The following NAT1 variants were observed in gnomAD, a reference collection of about 807,000 sequenced individuals.
NAT1 encodes the protein arylamine N-acetyltransferase 1.
For missense variants in NAT1, 400 were observed against 339.2 expected (o/e 1.18, Z -1.41); for synonymous variants, 144 against 122.6 (o/e 1.17, Z -1.16).
intron 2 of NAT1, among the ~76,000 whole-genome samples, chr8:18,198,368 T>G (rs111227928): frequency 9.5e-4 from 145 of 152,300 alleles, no homozygotes; most frequent in African/African-American, 3.4e-3. Flanking sequence ...TTATGAATGG[T>G]GTTTGTTCAA....
At chr8:18,194,015 G>C (rs1488943792) in intron 2 of NAT1, among the ~76,000 whole-genome samples, 1 of 152,122 alleles carries the variant, frequency 6.6e-6, no homozygotes, top group Non-Finnish European at 1.5e-5. Flanking sequence ...CAAACCTGTG[G>C]ATCCTGTGGC....
chr8:18,206,514 T>C (rs1424353250), upstream of NAT1, among the ~76,000 whole-genome samples: 2 of 152,234 alleles, frequency 1.3e-5, no homozygotes, highest in Non-Finnish European at 2.9e-5. Flanking sequence ...GCCATTTCTA[T>C]TGAATACAGG....
chr8:18,215,881 G>C (rs140610821), intron 1 of NAT1, among the ~76,000 whole-genome samples: 2 of 152,122 alleles, frequency 1.3e-5, no homozygotes, highest in Non-Finnish European at 2.9e-5. Flanking sequence ...ATCATTTTAG[G>C]AGATTTATTT....
chr8:18,206,418 C>G (rs1174611193), upstream of NAT1, among the ~76,000 whole-genome samples: 5 of 152,176 alleles, frequency 3.3e-5, no homozygotes, highest in Non-Finnish European at 7.3e-5. Context: ...CCATCTTGCC[C>G]CCGCTCAAAA....
chr8:18,217,079 G>A lies in NAT1; in HGVS notation c.-85-2332G>A, dbSNP rs1804752258. ...GTAGATTGGGTGCTGTGAGTCTGGG[G>A]AATTAGTGAGAATTTCCTTTATTTG... On this transcript the variant is annotated intron_variant, in intron 1 of 2. Coordinates refer to ENST00000307719, the MANE Select transcript of NAT1 (RefSeq NM_000662.8). 3.7e-6 allele frequency: 3 copies of A among 815,402 alleles called. No homozygotes were observed. The South Asian group carries it at 5.2e-5, about 14-fold the overall frequency. 50.5% of individuals were successfully genotyped at this position (815,402 alleles called of 1,614,324 possible).
chr8:18,180,241 AG>A (rs1161105002), intron 2 of NAT1, among the ~76,000 whole-genome samples: 2 of 152,140 alleles, frequency 1.3e-5, no homozygotes, highest in African/African-American at 4.8e-5. Context: ...GTGTTGAGTT[AG>A]GAAAATTAGT....
intron 2 of NAT1, among the ~76,000 whole-genome samples, chr8:18,180,124 G>C (rs551985068): frequency 6.6e-6 from 1 of 152,082 alleles, no homozygotes; most frequent in Non-Finnish European, 1.5e-5. Context: ...GGGGGAGCTA[G>C]AGGGAACTCA....
chr8:18,190,185 T>C (rs578186353), intron 2 of NAT1, among the ~76,000 whole-genome samples: 1 of 152,228 alleles, frequency 6.6e-6, no homozygotes, highest in Admixed American at 6.5e-5. Context: ...CCATTATACA[T>C]AGAACAAAAT....
At chr8:18,218,049 C>T (rs746320461) in intron 1 of NAT1, among the ~76,000 whole-genome samples, 24 of 152,114 alleles carry the variant, frequency 1.6e-4, no homozygotes, top group Non-Finnish European at 2.6e-4. Flanking sequence ...CTTGAGCAAG[C>T]GTTCCTCTTC....
chr8:18,181,346 A>G (rs1802509742), intron 2 of NAT1, among the ~76,000 whole-genome samples: 1 of 152,176 alleles, frequency 6.6e-6, no homozygotes, highest in African/African-American at 2.4e-5. Flanking sequence ...CGCAATCCCT[A>G]TCAAAATAAC....
At chr8:18,177,586 T>A (rs1163270485) in intron 2 of NAT1, among the ~76,000 whole-genome samples, 1 of 152,146 alleles carries the variant, frequency 6.6e-6, no homozygotes, top group Non-Finnish European at 1.5e-5. Flanking sequence ...GGTTAGTGTT[T>A]TTACCTCATT....
chr8:18,206,810 T>C (rs370053302), upstream of NAT1, among the ~76,000 whole-genome samples: 31 of 152,334 alleles, frequency 2.0e-4, no homozygotes, highest in African/African-American at 6.3e-4. Flanking sequence ...TTAGAAATTA[T>C]AGAAATTATA....
chr8:18,221,204 G>A (rs8190847), intron 2 of NAT1, among the ~76,000 whole-genome samples: 2,757 of 151,894 alleles, frequency 0.018, 49 homozygotes, highest in Middle Eastern at 0.086. Context: ...CCAGCTTAAG[G>A]CCTTGTTATT....
chr8:18,196,182 T>G (rs1472693593), intron 2 of NAT1, among the ~76,000 whole-genome samples: 1 of 152,076 alleles, frequency 6.6e-6, no homozygotes, highest in Admixed American at 6.6e-5. Context: ...ACTCCTGATC[T>G]CAAGTGATCC....
intron 2 of NAT1, among the ~76,000 whole-genome samples, chr8:18,179,221 G>C (rs1802413366): frequency 6.6e-6 from 1 of 152,030 alleles, no homozygotes; most frequent in Non-Finnish European, 1.5e-5. Flanking sequence ...TAGTCGTTTG[G>C]CACATCCAGT....
intron 2 of NAT1, among the ~76,000 whole-genome samples, chr8:18,182,692 G>A (rs905236497): frequency 2.6e-5 from 4 of 152,006 alleles, no homozygotes; most frequent in African/African-American, 9.7e-5. Context: ...TCCCCACATT[G>A]TTCTTCTCTA....
rs1443368455 is a variant in NAT1 at position 18,222,982 on chromosome 8, C to A, written c.*62C>A. 10 of 1,403,610 alleles carry A rather than the reference C, an allele frequency of 7.1e-6. No homozygotes were observed. Among genetic ancestry groups the A allele is most frequent in the Non-Finnish European group, 7.6e-6 (8 of 1,049,390 alleles). 86.9% of individuals were successfully genotyped at this position (1,403,610 alleles called of 1,614,324 possible). A position where few individuals can be genotyped will look rare whatever the true frequency, so the allele number is the denominator to read the frequency against. ...AGCTCACCAGTTATCAACTGACGACCTATCATGTATCTTCTGTACCCTTAC... is the reference window on the plus strand; with the variant it reads ...AGCTCACCAGTTATCAACTGACGACATATCATGTATCTTCTGTACCCTTAC... On this transcript the variant is annotated 3_prime_UTR_variant, in exon 3 of 3. Transcript: ENST00000307719.
At chr8:18,206,464 A>C (rs1803724573), upstream of NAT1, among the ~76,000 whole-genome samples, 1 of 152,226 alleles carries the variant, frequency 6.6e-6, no homozygotes, top group African/African-American at 2.4e-5. Context: ...ACTGAATGCT[A>C]TTCCTCTAAG....
intron 2 of NAT1, among the ~76,000 whole-genome samples, chr8:18,193,255 T>A (rs1208057669): frequency 6.7e-6 from 1 of 149,430 alleles, no homozygotes; most frequent in Non-Finnish European, 1.5e-5. Flanking sequence ...TTTTTAAAAA[T>A]TTTTTTGTAG....
Sources: allele counts gnomAD v4.1 joint callset (sites outside exome capture counted in the v4.1 genomes callset), GRCh38; gene constraint gnomAD v4.1.1; transcripts MANE v1.5; gene names NCBI Gene and HGNC (gene_info 2026-07-23, HGNC 2026-07-21).